Variants in RANGAP1 observed in about 807,000 individuals in gnomAD.
RANGAP1 encodes the protein ran GTPase-activating protein 1.
A neutral mutation model predicts 63.5 loss-of-function variants in RANGAP1; 38 were observed. The ratio of observed to expected loss-of-function variants is 0.60; its 90% CI spans 0.46 to 0.78. The LOEUF (loss-of-function observed/expected upper bound fraction) is 0.78. Among genes scored for constraint, RANGAP1 ranks in the 30% least tolerant of loss-of-function variants. RANGAP1 has a pLI of 0.00. For synonymous variants in RANGAP1, 329 were observed against 310.5 expected (o/e 1.06, Z -0.63); for missense variants, 630 against 740.3 (o/e 0.85, Z 1.73).
intron 1 of RANGAP1, among the ~76,000 whole-genome samples, chr22:41,283,830 C>G (rs2035619383): frequency 6.6e-6 from 1 of 152,236 alleles, no homozygotes; most frequent in East Asian, 1.9e-4. Context: ...AGGAAAACCA[C>G]TGAAGTTTTT....
chr22:41,247,629 G>C (rs974561831), intron 15 of RANGAP1, among the ~76,000 whole-genome samples: 3 of 152,228 alleles, frequency 2.0e-5, no homozygotes, highest in Non-Finnish European at 4.4e-5. Flanking sequence ...TGGGATTACA[G>C]ATGGGAGCCA....
At chr22:41,271,373 G>A (rs527313108) in intron 3 of RANGAP1, among the ~76,000 whole-genome samples, 5 of 131,262 alleles carry the variant, frequency 3.8e-5, no homozygotes, top group South Asian at 2.8e-4. Context: ...GGGCAATGGC[G>A]TGAAACTGTC....
rs1217493738 is a variant in RANGAP1, at chr22:41,249,631, G to C, written c.1572+98C>G. On this transcript the variant is annotated intron_variant, in intron 14 of 15. Transcript: ENST00000356244. ...GGGGCCCCGTGGGCGAGCCGGCTCA[G>C]GACTCGAGGTGAGGGAGGTTGGCGG... is the stretch of plus-strand genomic sequence containing the variant. The C allele has an allele frequency of 1.6e-5, 24 of 1,532,180 alleles. 1 individual carries two copies. The South Asian group carries it at 2.6e-4, about 17-fold the overall frequency. The allele number at this position is 1,532,180 out of a possible 1,614,324, so 94.9% of individuals were successfully genotyped here.
chr22:41,269,787 CATAAAG>C (rs956590333), intron 3 of RANGAP1, among the ~76,000 whole-genome samples: 2 of 150,578 alleles, frequency 1.3e-5, no homozygotes, highest in African/African-American at 4.9e-5. Context: ...ATGTTCCTAG[CATAAAG>C]ATAAATATTT....
At chr22:41,249,020 G>T (rs574372615) in intron 15 of RANGAP1, among the ~76,000 whole-genome samples, 137 of 152,348 alleles carry the variant, frequency 9.0e-4, no homozygotes, top group Non-Finnish European at 1.7e-3. Flanking sequence ...TTGCTAGCGT[G>T]TGACCAAGGG....
chr22:41,258,992 C>G (rs370077959), intron 6 of RANGAP1, among the ~76,000 whole-genome samples: 3 of 152,236 alleles, frequency 2.0e-5, no homozygotes, highest in African/African-American at 7.2e-5. Flanking sequence ...CATATGAGTT[C>G]TAGGGCTCTT....
the RANGAP1 span, among the ~76,000 whole-genome samples, chr22:41,295,652 C>T: frequency 6.7e-6 from 1 of 148,530 alleles, no homozygotes; most frequent in Non-Finnish European, 1.5e-5. Flanking sequence ...GTCCTGTGAC[C>T]CTGCCAAATC....
intron 2 of RANGAP1, among the ~76,000 whole-genome samples, chr22:41,277,239 G>A (rs980714189): frequency 2.6e-5 from 4 of 151,514 alleles, no homozygotes; most frequent in African/African-American, 9.7e-5. Flanking sequence ...CACTACGCCC[G>A]GCTAATTTTT....
At chr22:41,252,640 GGA>G (rs537395277) in intron 12 of RANGAP1, among the ~76,000 whole-genome samples, 139 of 152,304 alleles carry the variant, frequency 9.1e-4, no homozygotes, top group African/African-American at 3.3e-3. Flanking sequence ...AGTCAGCATG[GGA>G]ACTGGCGGGC....
chr22:41,258,127 G>A (rs2145725580), intron 6 of RANGAP1, 21 bp from the exon 7 acceptor site: 1 of 1,577,380 alleles, frequency 6.3e-7, no homozygotes, highest in Non-Finnish European at 8.6e-7. Context: ...GAGGCAGAGA[G>A]TGGAGGGGGC....
chr22:41,273,484 C>A (rs191740950), intron 3 of RANGAP1, among the ~76,000 whole-genome samples: 35 of 152,154 alleles, frequency 2.3e-4, no homozygotes, highest in Non-Finnish European at 4.6e-4. Flanking sequence ...GGAGAACTTG[C>A]CAGCCGCACG....
intron 1 of RANGAP1, among the ~76,000 whole-genome samples, chr22:41,284,593 C>T (rs912983799): frequency 2.6e-4 from 39 of 152,060 alleles, no homozygotes; most frequent in Non-Finnish European, 4.6e-4. Flanking sequence ...TAACCAGAGT[C>T]GGGTGTAATG....
intron 2 of RANGAP1, among the ~76,000 whole-genome samples, chr22:41,278,140 G>A (rs929590576): frequency 1.3e-5 from 2 of 151,526 alleles, no homozygotes; most frequent in South Asian, 2.1e-4. Context: ...GGGTTCAAGC[G>A]ATTCTCCTGC....
Position 41,253,042 on chromosome 22 carries a change from C to G in RANGAP1, c.1261-51G>C, listed in dbSNP as rs568096458. The G allele has an allele frequency of 4.4e-6, 6 of 1,376,762 alleles. No individual in the cohort carries two copies. The African/African-American group carries it at 9.1e-5, about 21-fold the overall frequency. The allele number at this position is 1,376,762 out of a possible 1,614,324, so 85.3% of individuals were successfully genotyped here. On this transcript the variant is annotated intron_variant, in intron 11 of 15. Coordinates refer to ENST00000356244, the MANE Select transcript of RANGAP1 (RefSeq NM_002883.4). ...TGGAGAATTCCGGACCCCAGACTCCCCGACACAGCTGTGCCCATCCCCACA... is the reference window on the plus strand; with the variant it reads ...TGGAGAATTCCGGACCCCAGACTCCGCGACACAGCTGTGCCCATCCCCACA...
intron 4 of RANGAP1, among the ~76,000 whole-genome samples, chr22:41,267,244 C>G (rs2034535085): frequency 6.6e-6 from 1 of 152,138 alleles, no homozygotes; most frequent in Non-Finnish European, 1.5e-5. Context: ...GTGGCACGCA[C>G]CTGTAATCCC....
At chr22:41,293,523 T>C in the RANGAP1 span, among the ~76,000 whole-genome samples, 1 of 152,058 alleles carries the variant, frequency 6.6e-6, no homozygotes, top group African/African-American at 2.4e-5. Flanking sequence ...CTCACGCCTG[T>C]AATCCCAGCA....
At chr22:41,271,566 C>T (rs2145798816) in intron 3 of RANGAP1, among the ~76,000 whole-genome samples, 1 of 152,022 alleles carries the variant, frequency 6.6e-6, no homozygotes, top group Non-Finnish European at 1.5e-5. Flanking sequence ...TGGTGGCAGG[C>T]ACCCGTAGTC....
chr22:41,246,874 C>T (rs1462576914), intron 15 of RANGAP1, among the ~76,000 whole-genome samples: 1 of 152,220 alleles, frequency 6.6e-6, no homozygotes, highest in Admixed American at 6.5e-5. Flanking sequence ...CAACGCCACA[C>T]AGCCCAGAGC....
At chr22:41,246,704 G>A (rs1264631590) in intron 15 of RANGAP1, 32 bp from the exon 16 acceptor site, 1 of 1,513,368 alleles carries the variant, frequency 6.6e-7, no homozygotes, top group South Asian at 1.2e-5. Flanking sequence ...CAGGTCGGTG[G>A]ATGCCTCTTG....
Sources: gnomAD v4.1 joint callset for allele counts (sites outside exome capture counted in the v4.1 genomes callset) on GRCh38, gnomAD v4.1.1 for gene constraint, MANE v1.5 for transcripts, NCBI Gene and HGNC (gene_info 2026-07-23, HGNC 2026-07-21) for gene names.